Variants in PTPRG observed in about 807,000 individuals in gnomAD.
The protein encoded by PTPRG is receptor-type tyrosine-protein phosphatase gamma.
PTPRG carries 102 observed loss-of-function variants against 165.3 expected under a neutral mutation model. The ratio of observed to expected loss-of-function variants is 0.62; its 90% CI spans 0.53 to 0.73. The LOEUF is 0.73. Among genes scored for constraint, PTPRG ranks in the 30% least tolerant of loss-of-function variants. The probability of loss-of-function intolerance (pLI) is 0.00; values close to 1 mark genes in which losing one functional copy is unlikely to be tolerated. For missense variants in PTPRG, 1,866 were observed against 1,861.4 expected (o/e 1.00, Z -0.05); for synonymous variants, 675 against 669.5 (o/e 1.01, Z -0.13).
At chr3:62,201,941 T>C (rs1294310340) in intron 11 of PTPRG, among the ~76,000 whole-genome samples, 1 of 152,232 alleles carries the variant, frequency 6.6e-6, no homozygotes, top group African/African-American at 2.4e-5. Flanking sequence ...AGAATTAATA[T>C]CTTAGTTTCC....
chr3:62,096,546 T>C (rs1439264458), intron 5 of PTPRG, among the ~76,000 whole-genome samples: 1 of 152,212 alleles, frequency 6.6e-6, no homozygotes, highest in Non-Finnish European at 1.5e-5. Flanking sequence ...GATCAGCTCA[T>C]GTGTATGTTT....
At chr3:61,695,146 G>A (rs1423673328) in intron 1 of PTPRG, among the ~76,000 whole-genome samples, 3 of 152,070 alleles carry the variant, frequency 2.0e-5, no homozygotes, top group African/African-American at 7.2e-5. Flanking sequence ...GAGTAGCTGG[G>A]ATTACAGGCG....
intron 2 of PTPRG, among the ~76,000 whole-genome samples, chr3:61,822,344 G>A (rs750111748): frequency 3.9e-5 from 6 of 152,166 alleles, no homozygotes; most frequent in Non-Finnish European, 7.3e-5. Flanking sequence ...TGGGAATGTT[G>A]GCTTCATGTT....
chr3:62,192,055 T>C (rs1048288267), intron 9 of PTPRG, among the ~76,000 whole-genome samples: 1 of 152,238 alleles, frequency 6.6e-6, no homozygotes, highest in Admixed American at 6.5e-5. Flanking sequence ...TATTATTTAT[T>C]ACGATCATTC....
intron 2 of PTPRG, among the ~76,000 whole-genome samples, chr3:61,755,200 G>A (rs934701781): frequency 4.6e-5 from 7 of 152,110 alleles, no homozygotes; most frequent in Non-Finnish European, 7.4e-5. Flanking sequence ...TAGAGTTGGG[G>A]TTTCGCCCTG....
At chr3:62,121,246 C>T (rs1703060334) in intron 5 of PTPRG, among the ~76,000 whole-genome samples, 1 of 152,114 alleles carries the variant, frequency 6.6e-6, no homozygotes, top group African/African-American at 2.4e-5. Flanking sequence ...AGCCACCGCG[C>T]CCAGCCTATA....
intron 2 of PTPRG, among the ~76,000 whole-genome samples, chr3:61,799,167 A>C (rs1442920145): frequency 6.6e-6 from 1 of 152,150 alleles, no homozygotes; most frequent in Admixed American, 6.5e-5. Context: ...ATGAAATTCT[A>C]TTATGAAAAT....
At chr3:61,611,049 G>C (rs4589930) in intron 1 of PTPRG, among the ~76,000 whole-genome samples, 97,046 of 152,052 alleles carry the variant, frequency 0.64, 32,865 homozygotes, top group South Asian at 0.85. Context: ...TGATCCTCCT[G>C]TCTTGGCCTC....
chr3:62,090,357 G>A (rs1701887188), intron 5 of PTPRG, among the ~76,000 whole-genome samples: 1 of 152,058 alleles, frequency 6.6e-6, no homozygotes, highest in Admixed American at 6.6e-5. Flanking sequence ...AAACTGAACC[G>A]ATTATAGGGT....
chr3:62,211,538 C>T lies in PTPRG; in HGVS notation c.2156-7313C>T, dbSNP rs182334594. On this transcript the variant is annotated intron_variant, in intron 12 of 29. Coordinates refer to ENST00000474889, the MANE Select transcript of PTPRG (RefSeq NM_002841.4). The stretch of plus-strand genomic sequence containing the variant: ...TTCCACTATTTTTTTTTAAAGCAGC[C>T]ACCTTAATTCACAGATGTGGGAGGT... 2.4e-4 allele frequency among the ~76,000 whole-genome samples: 36 copies of T among 152,128 alleles called. No individual in the cohort carries two copies. In the East Asian group the frequency reaches 6.8e-3, roughly 29 times the overall value.
intron 20 of PTPRG, among the ~76,000 whole-genome samples, chr3:62,269,747 TCA>T (rs1701999317): frequency 6.6e-6 from 1 of 152,124 alleles, no homozygotes; most frequent in African/African-American, 2.4e-5. Flanking sequence ...TCAGGTTATC[TCA>T]GTTTCTTTTT....
At chr3:62,220,373 G>T (rs1480650399) in intron 13 of PTPRG, among the ~76,000 whole-genome samples, 1 of 152,208 alleles carries the variant, frequency 6.6e-6, no homozygotes, top group Admixed American at 6.5e-5. Context: ...CAGAAACAGA[G>T]ACCATCGGGG....
At chr3:61,610,761 CCCTCCCTCCCTA>C (rs1419199496) in intron 1 of PTPRG, among the ~76,000 whole-genome samples, 5 of 118,244 alleles carry the variant, frequency 4.2e-5, no homozygotes, top group Admixed American at 8.8e-5. Context: ...CTCCCTCCCT[CCCTCCCTCCCTA>C]CCTCCCTCCC....
At chr3:62,095,350 C>T (rs945238736) in intron 5 of PTPRG, among the ~76,000 whole-genome samples, 3 of 152,116 alleles carry the variant, frequency 2.0e-5, no homozygotes, top group African/African-American at 7.2e-5. Context: ...GTTGCAGCCT[C>T]GCTGTGGACT....
At chr3:62,032,634 T>C (rs958107274) in intron 4 of PTPRG, among the ~76,000 whole-genome samples, 4 of 152,200 alleles carry the variant, frequency 2.6e-5, no homozygotes, top group African/African-American at 7.2e-5. Context: ...TCCTGAGTTA[T>C]AAATTTGCCA....
intron 2 of PTPRG, among the ~76,000 whole-genome samples, chr3:61,986,022 G>A (rs2040752651): frequency 6.6e-6 from 1 of 150,892 alleles, no homozygotes; most frequent in Non-Finnish European, 1.5e-5. Context: ...AAGGGAGTGA[G>A]GAATACTTAG....
At chr3:62,044,837 T>C (rs1381530904) in intron 4 of PTPRG, among the ~76,000 whole-genome samples, 2 of 152,226 alleles carry the variant, frequency 1.3e-5, no homozygotes, top group Non-Finnish European at 2.9e-5. Flanking sequence ...TTATTTACTT[T>C]GTCCTGTATG....
chr3:61,925,538 G>A (rs1378829083), intron 2 of PTPRG, among the ~76,000 whole-genome samples: 3 of 152,212 alleles, frequency 2.0e-5, no homozygotes, highest in East Asian at 1.9e-4. Flanking sequence ...GAGGTGAGGA[G>A]TTCGAGACCA....
At chr3:61,576,365 T>G (rs1271276832) in intron 1 of PTPRG, among the ~76,000 whole-genome samples, 2 of 152,194 alleles carry the variant, frequency 1.3e-5, no homozygotes, top group Non-Finnish European at 2.9e-5. Context: ...TGTGTTAATA[T>G]GGGGCCAGTC....
Sources: gnomAD v4.1 joint callset for allele counts (sites outside exome capture counted in the v4.1 genomes callset) on GRCh38, gnomAD v4.1.1 for gene constraint, MANE v1.5 for transcripts, NCBI Gene and HGNC (gene_info 2026-07-23, HGNC 2026-07-21) for gene names.